Variants in TNNT3 observed in about 807,000 individuals in gnomAD.
TNNT3 encodes troponin T3, fast skeletal type, also known as troponin T, fast skeletal muscle.
In TNNT3, 36 loss-of-function variants were observed where a neutral mutation model predicts 54.2. That is an observed-to-expected ratio of 0.66 (90% CI 0.51 to 0.88). The LOEUF (loss-of-function observed/expected upper bound fraction) is 0.88, where lower values mean the gene tolerates loss of function less well. Ranked by LOEUF, TNNT3 falls within the 40% of genes least tolerant of loss-of-function variation. The pLI, the probability that TNNT3 is intolerant of heterozygous loss-of-function variation, is 0.00. For synonymous variants in TNNT3, 120 were observed against 109.7 expected (o/e 1.09, Z -0.59); for missense variants, 291 against 331.6 (o/e 0.88, Z 0.95).
At position 1,922,839 on chromosome 11, in the gene TNNT3, CTG is replaced by C; in HGVS notation, c.-18-17_-18-16del. On this transcript the variant is annotated splice_polypyrimidine_tract_variant and intron_variant, in intron 1 of 15. Transcript: ENST00000278317. Reference sequence around the variant, plus strand: ...TTCCATCCTCTCTCTCTCTCTCTCTCTGAATCTCTCTCTGCAGAAACCACCCA... The same window carrying C: ...TTCCATCCTCTCTCTCTCTCTCTCTCAATCTCTCTCTGCAGAAACCACCCA... The C allele has an allele frequency of 6.2e-7, 1 of 1,605,964 alleles. No individual in the cohort carries two copies. Among genetic ancestry groups the C allele is most frequent in the Non-Finnish European group, 8.5e-7 (1 of 1,174,470 alleles).
chr11:1,931,440 G>T (rs920137363), intron 8 of TNNT3, among the ~76,000 whole-genome samples: 2 of 152,240 alleles, frequency 1.3e-5, no homozygotes, highest in Non-Finnish European at 2.9e-5. Context: ...CTCACCCAGG[G>T]ACAGGAACGT....
chr11:1,935,099 G>A, intron 14 of TNNT3, 180 bp downstream of exon 14: 1 of 690,638 alleles, frequency 1.4e-6, no homozygotes, highest in East Asian at 2.7e-5. Context: ...GCTGGGGACT[G>A]TGGCCAGAGC....
At chr11:1,933,509 G>A (rs2133447792) in intron 9 of TNNT3, among the ~76,000 whole-genome samples, 1 of 152,312 alleles carries the variant, frequency 6.6e-6, no homozygotes, top group Middle Eastern at 3.4e-3. Flanking sequence ...TGTGGCTCAG[G>A]AATCAGGCCA....
intron 8 of TNNT3, 87 bp downstream of exon 8, chr11:1,929,915 T>C (rs1397526365): frequency 8.0e-6 from 12 of 1,494,036 alleles, no homozygotes; most frequent in South Asian, 1.2e-5. Flanking sequence ...GCAGGCCCAG[T>C]GCCGAGTGTG....
chr11:1,935,317 G>T, intron 14 of TNNT3: 1 of 340,210 alleles, frequency 2.9e-6, no homozygotes, highest in Non-Finnish European at 5.8e-6. Flanking sequence ...CTGGTGTGGG[G>T]CGTCCTTTCG....
At chr11:1,935,115 C>T in intron 14 of TNNT3, 196 bp downstream of exon 14, 1 of 656,026 alleles carries the variant, frequency 1.5e-6, no homozygotes, top group Non-Finnish European at 2.8e-6. Context: ...AGAGCCCGTC[C>T]TCCTGGCTGG....
At chr11:1,935,614 G>C (rs2734490) in intron 14 of TNNT3, 1 of 161,890 alleles carries the variant, frequency 6.2e-6, no homozygotes, top group Non-Finnish European at 1.4e-5. Context: ...CCAAACACCC[G>C]TTTGGGCTCC....
chr11:1,930,198 T>G (rs1178412367), intron 8 of TNNT3, among the ~76,000 whole-genome samples: 1 of 149,792 alleles, frequency 6.7e-6, no homozygotes, highest in Non-Finnish European at 1.5e-5. Context: ...GGAGGAGAGG[T>G]GGGTGGGAGA....
intron 7 of TNNT3, 54 bp from the exon 8 acceptor site, chr11:1,929,756 C>A: frequency 6.5e-7 from 1 of 1,548,960 alleles, no homozygotes; most frequent in Non-Finnish European, 8.7e-7. Flanking sequence ...GGCTGTCTCT[C>A]TCCCTCTCCC....
intron 4 of TNNT3, 113 bp downstream of exon 4, chr11:1,923,685 C>T (rs1051891699): frequency 1.1e-5 from 8 of 756,918 alleles, no homozygotes; most frequent in East Asian, 2.6e-5. Flanking sequence ...CCGCCTTGAG[C>T]TTGTCAATCA....
At chr11:1,935,725 G>A in intron 14 of TNNT3, 1 of 206,398 alleles carries the variant, frequency 4.8e-6, no homozygotes, top group South Asian at 9.3e-5. Flanking sequence ...CCACCCTCCA[G>A]CACCGCCAGA....
At chr11:1,934,683 C>G in intron 13 of TNNT3, 28 bp downstream of exon 13, 2 of 1,608,276 alleles carry the variant, frequency 1.2e-6, no homozygotes, top group Non-Finnish European at 1.7e-6. Context: ...TGGGGCTCAG[C>G]CCCACGGGGT....
At chr11:1,929,181 T>C (rs775778916) in intron 7 of TNNT3, 38 bp downstream of exon 7, 33 of 1,610,724 alleles carry the variant, frequency 2.0e-5, no homozygotes, top group South Asian at 5.5e-5. Context: ...TGCAGGACCC[T>C]GGCTCTAGCC....
At position 1,937,995 on chromosome 11, in the gene TNNT3, C is replaced by T. The variant is rs976184513; in HGVS notation, c.723-443C>T. 7.2e-5 allele frequency among the ~76,000 whole-genome samples: 11 copies of T among 152,340 alleles called. No homozygotes were observed. In the East Asian group the frequency reaches 1.4e-3, roughly 19 times the overall value. ...CCTCCACCCGCCTTCACCCCTCACC[C>T]GCACCCAGCTCCTCCCGGCTCGTGG... On this transcript the variant is annotated intron_variant, in intron 15 of 15. Transcript: ENST00000278317.
intron 6 of TNNT3, 111 bp from the exon 7 acceptor site, chr11:1,929,009 G>C (rs577766228): frequency 1.6e-6 from 2 of 1,250,336 alleles, no homozygotes; most frequent in East Asian, 2.3e-5. Flanking sequence ...GAGAGTGTCC[G>C]AGTGAGAGGG....
intron 14 of TNNT3, 160 bp downstream of exon 14, chr11:1,935,079 C>A: frequency 1.4e-6 from 1 of 723,878 alleles, no homozygotes; most frequent in Non-Finnish European, 2.5e-6. Flanking sequence ...CTGGCTGAGG[C>A]TGCTTTCCTG....
chr11:1,937,775 G>T (rs1855563609), intron 15 of TNNT3, among the ~76,000 whole-genome samples: 1 of 152,226 alleles, frequency 6.6e-6, no homozygotes, highest in African/African-American at 2.4e-5. Flanking sequence ...CCTCCCTGTT[G>T]TGCCGTCAGG....
rs373573968 is a variant in TNNT3, at chr11:1,925,199, T to C, written c.67+83T>C. On this transcript the variant is annotated intron_variant, in intron 5 of 15. Coordinates refer to ENST00000278317, the MANE Select transcript of TNNT3 (RefSeq NM_006757.4). ...CCAAAGTTGACCTCCACCCCGCCTC[T>C]AAGGATTGCTGTGTGCCCCTGTCTA... is the stretch of plus-strand genomic sequence containing the variant. 3.2e-6 allele frequency: 5 copies of C among 1,549,088 alleles called. No homozygotes were observed. In the African/African-American group the frequency reaches 7.1e-5, roughly 22 times the overall value.
chr11:1,938,261 A>G (rs1490487400), intron 15 of TNNT3, 177 bp from the exon 16 acceptor site: 2 of 715,114 alleles, frequency 2.8e-6, no homozygotes, highest in Non-Finnish European at 5.1e-6. Flanking sequence ...TAGGCCCGCC[A>G]GGCACAGGTG....
Sources: allele counts gnomAD v4.1 joint callset (sites outside exome capture counted in the v4.1 genomes callset), GRCh38; gene constraint gnomAD v4.1.1; transcripts MANE v1.5; gene names NCBI Gene and HGNC (gene_info 2026-07-23, HGNC 2026-07-21).